The following SCAF11 variants were observed in gnomAD, a reference collection of about 807,000 sequenced individuals.
The protein encoded by SCAF11 is SR-related CTD associated factor 11.
A neutral mutation model predicts 140.5 loss-of-function variants in SCAF11; 47 were observed. The ratio of observed to expected loss-of-function variants is 0.33; its 90% CI spans 0.26 to 0.43. The LOEUF (loss-of-function observed/expected upper bound fraction) is 0.43. SCAF11 is among the 20% of genes least tolerant of loss of function. SCAF11 has a pLI of 1.00. For synonymous variants in SCAF11, 557 were observed against 579.4 expected (o/e 0.96, Z 0.55); for missense variants, 1,645 against 1,705.1 (o/e 0.96, Z 0.62).
chr12:45,992,014 G>C, upstream of SCAF11: 10 of 1,288,808 alleles, frequency 7.8e-6, no homozygotes, highest in Non-Finnish European at 1.0e-5. Flanking sequence ...CCACTTTGCC[G>C]CGGCCCCGCC....
intron 1 of SCAF11, among the ~76,000 whole-genome samples, chr12:45,972,979 GAT>G (rs1219143125): frequency 1.6e-5 from 2 of 128,352 alleles, no homozygotes; most frequent in East Asian, 4.0e-4. Flanking sequence ...TAGATATATA[GAT>G]ATATAGATAT....
intron 3 of SCAF11, among the ~76,000 whole-genome samples, chr12:45,957,692 TA>T (rs1945724233): frequency 1.3e-5 from 2 of 151,994 alleles, no homozygotes; most frequent in Non-Finnish European, 2.9e-5. Context: ...ACTTAAAAGA[TA>T]AGGGAAATAT....
chr12:45,925,184 G>T, intron 11 of SCAF11, 110 bp from the exon 12 acceptor site: 1 of 720,790 alleles, frequency 1.4e-6, no homozygotes, highest in Non-Finnish European at 2.3e-6. Flanking sequence ...AATAGGCTCA[G>T]TATACCAATA....
intron 3 of SCAF11, chr12:45,953,792 T>C: frequency 1.8e-6 from 1 of 550,012 alleles, no homozygotes; most frequent in Non-Finnish European, 3.0e-6. Context: ...TGTGCCTCAG[T>C]AACCTTATTT....
Position 45,926,860 on chromosome 12 carries a change from T to C in SCAF11, c.2841A>G (p.Thr947=), listed in dbSNP as rs147710939. Reference sequence around the variant, plus strand: ...TACCAAATGATGAACTCTTACTTTTTGTTCTACATCTTGAGGGGGACCTAG... The same window carrying C: ...TACCAAATGATGAACTCTTACTTTTCGTTCTACATCTTGAGGGGGACCTAG... ...SHSRSPSRCR[T]KSKSSSFGRI... The change falls in exon 11 of 15, where the codon ACA becomes ACG. Residue 947 remains threonine (T), a synonymous_variant. Transcript: ENST00000369367. The C allele has an allele frequency of 7.8e-5, 126 of 1,614,036 alleles. No individual in the cohort carries two copies. The highest frequency in any genetic ancestry group is 5.0e-5 in the Admixed American group (3 of 60,014).
chr12:45,971,956 G>GAA (rs1565688024), intron 1 of SCAF11, among the ~76,000 whole-genome samples: 1 of 152,240 alleles, frequency 6.6e-6, no homozygotes, highest in East Asian at 1.9e-4. Flanking sequence ...CCAAAAGACA[G>GAA]AAAAGACTGT....
chr12:45,939,916 C>T (rs1314514316), intron 6 of SCAF11, among the ~76,000 whole-genome samples: 2 of 152,200 alleles, frequency 1.3e-5, no homozygotes, highest in Non-Finnish European at 2.9e-5. Flanking sequence ...TCAATTTGCA[C>T]AATCCCCCAC....
rs1485994829 is a variant in SCAF11, at chr12:45,921,552, T to C, written c.*496A>G. ...GCTTTAAAAATACACATTAGGAACTTTGCAACTGATATGTTCTATTTAATA... is the reference window on the plus strand; with the variant it reads ...GCTTTAAAAATACACATTAGGAACTCTGCAACTGATATGTTCTATTTAATA... On this transcript the variant is annotated 3_prime_UTR_variant, in exon 15 of 15. Transcript: ENST00000369367. The C allele has an allele frequency of 6.6e-6, 1 of 152,306 alleles. No individual in the cohort carries two copies. Among genetic ancestry groups the C allele is most frequent in the African/African-American group, 2.4e-5 (1 of 41,446 alleles). The allele number at this position is 152,306 out of a possible 1,614,324, so 9.4% of individuals were successfully genotyped here. A position where few individuals can be genotyped will look rare whatever the true frequency, so the allele number is the denominator to read the frequency against.
chr12:45,964,126 CT>C lies in SCAF11; in HGVS notation c.41del (p.Lys14ArgfsTer36). 6.5e-7 allele frequency: 1 copy of C among 1,532,734 alleles called. No individual in the cohort carries two copies. Among genetic ancestry groups the C allele is most frequent in the Non-Finnish European group, 9.0e-7 (1 of 1,113,676 alleles). The allele number at this position is 1,532,734 out of a possible 1,614,324, so 94.9% of individuals were successfully genotyped here. A position where few individuals can be genotyped will look rare whatever the true frequency, so the allele number is the denominator to read the frequency against. On this transcript the variant is annotated frameshift_variant, in exon 2 of 15. Transcript: ENST00000369367. LOFTEE classifies it high-confidence loss of function. ...AGTTACCTTCCATGTCTTCATACTT[CT>C]TATCTCCCATATTTAGGGTACATAC... Reference protein sequence around the residue: ...KTVCTLNMGDKKYEDMEGEEN... With the variant: ...KTVCTLNMGDXKYEDMEGEEN...
intron 1 of SCAF11, among the ~76,000 whole-genome samples, chr12:45,973,672 G>A (rs777120292): frequency 1.3e-5 from 2 of 152,106 alleles, no homozygotes; most frequent in African/African-American, 2.4e-5. Flanking sequence ...AACCATGCAA[G>A]TCAGAAGAAA....
At chr12:45,987,131 C>T (rs1400666980) in intron 1 of SCAF11, among the ~76,000 whole-genome samples, 2 of 152,144 alleles carry the variant, frequency 1.3e-5, no homozygotes, top group Non-Finnish European at 1.5e-5. Context: ...GAGGCCAAGG[C>T]GGGATGATTA....
intron 1 of SCAF11, among the ~76,000 whole-genome samples, chr12:45,970,673 A>G (rs548112714): frequency 1.3e-5 from 2 of 152,372 alleles, no homozygotes; most frequent in East Asian, 1.9e-4. Context: ...AATCTTTCAT[A>G]TTCACTTCCT....
chr12:45,921,451 A>C lies in SCAF11; in HGVS notation c.*597T>G, dbSNP rs1485276321. The C allele has an allele frequency of 1.3e-5, 2 of 152,610 alleles. No individual in the cohort carries two copies. Among genetic ancestry groups the C allele is most frequent in the Non-Finnish European group, 2.9e-5 (2 of 68,058 alleles). The allele number at this position is 152,610 out of a possible 1,614,324, so 9.5% of individuals were successfully genotyped here. ...TTATTTGGTCATACAATAGGTGAAGAGTGTCTCAATGTTTTGAACACTAAA... is the reference window on the plus strand; with the variant it reads ...TTATTTGGTCATACAATAGGTGAAGCGTGTCTCAATGTTTTGAACACTAAA... On this transcript the variant is annotated 3_prime_UTR_variant, in exon 15 of 15. Coordinates refer to ENST00000369367, the MANE Select transcript of SCAF11 (RefSeq NM_004719.3).
intron 1 of SCAF11, 128 bp downstream of exon 1, chr12:45,990,225 G>A (rs1438551539): frequency 1.7e-6 from 2 of 1,200,118 alleles, no homozygotes; most frequent in Admixed American, 4.2e-5. Flanking sequence ...GGCCGCGCGA[G>A]ATTCCGAAAC....
chr12:45,979,541 T>G (rs2136659337), intron 1 of SCAF11, among the ~76,000 whole-genome samples: 1 of 152,318 alleles, frequency 6.6e-6, no homozygotes, highest in South Asian at 2.1e-4. Context: ...TACTCTTTCG[T>G]TGGTTTCTTG....
intron 1 of SCAF11, among the ~76,000 whole-genome samples, chr12:45,969,248 G>A (rs997269920): frequency 2.6e-5 from 4 of 152,152 alleles, no homozygotes; most frequent in African/African-American, 9.7e-5. Context: ...CAAGCCGCGG[G>A]GAATCAGAAG....
chr12:45,945,463 T>C lies in SCAF11; in HGVS notation c.399-150A>G, dbSNP rs185405257. On this transcript the variant is annotated intron_variant, in intron 5 of 14. Transcript: ENST00000369367. ...AAATCTGGTAAATGGTTTAAGGATA[T>C]TCTCACAGACTCCTATGAGATATTA... The C allele has an allele frequency of 1.0e-5, 6 of 581,244 alleles. No individual in the cohort carries two copies. In the East Asian group the frequency reaches 1.8e-4, roughly 17 times the overall value. The allele number at this position is 581,244 out of a possible 1,614,324, so 36.0% of individuals were successfully genotyped here.
chr12:45,964,145 G>A lies in SCAF11; in HGVS notation c.23C>T (p.Thr8Ile). The A allele has an allele frequency of 6.5e-7, 1 of 1,533,094 alleles. No homozygotes were observed. The highest frequency in any genetic ancestry group is 1.7e-5 in the Admixed American group (1 of 57,504). The allele number at this position is 1,533,094 out of a possible 1,614,324, so 95.0% of individuals were successfully genotyped here. MKKKTVC[T>I]LNMGDKKYED... ...ATACTTCTTATCTCCCATATTTAGGGTACATACAGTTTTCTTCTTCATTTC... is the reference window on the plus strand; with the variant it reads ...ATACTTCTTATCTCCCATATTTAGGATACATACAGTTTTCTTCTTCATTTC... Residue 8 changes from threonine to isoleucine, a missense_variant, in exon 2 of 15, where the codon ACC becomes ATC. By Grantham distance (89) the Thr-to-Ile change is moderately conservative. Around this residue, in one of 2 missense-constraint regions of SCAF11, gnomAD observed 1,582 missense variants for 1,609.2 expected, o/e 0.98. Transcript: ENST00000369367.
chr12:45,964,623 C>T (rs887600782), intron 1 of SCAF11, among the ~76,000 whole-genome samples: 10 of 151,150 alleles, frequency 6.6e-5, no homozygotes, highest in East Asian at 3.9e-4. Context: ...GCCCAGATCG[C>T]GCCACTGCAC....
Sources: gnomAD v4.1 joint callset for allele counts (sites outside exome capture counted in the v4.1 genomes callset) on GRCh38, gnomAD v4.1.1 for gene constraint, gnomAD v4.1.1 regional missense constraint, MANE v1.5 for transcripts, NCBI Gene and HGNC (gene_info 2026-07-23, HGNC 2026-07-21) for gene names.